AGBL1: variants seen among roughly 807,000 people sequenced by gnomAD.
AGBL1 encodes the protein AGBL carboxypeptidase 1, also known as cytosolic carboxypeptidase 4.
AGBL1 carries 130 observed loss-of-function variants against 118.9 expected under a neutral mutation model. That is an observed-to-expected ratio of 1.09 (90% CI 0.95 to 1.26). The LOEUF (loss-of-function observed/expected upper bound fraction) is 1.26, where lower values mean the gene tolerates loss of function less well. Among genes scored for constraint, AGBL1 ranks in the 50% most tolerant of loss-of-function variants. The probability of loss-of-function intolerance (pLI) is 0.00; values close to 1 mark genes in which losing one functional copy is unlikely to be tolerated. For missense variants in AGBL1, 1,584 were observed against 1,298.1 expected (o/e 1.22, Z -3.38); for synonymous variants, 555 against 478.9 (o/e 1.16, Z -2.08).
rs185344237 is a variant in AGBL1 at position 86,689,895 on chromosome 15, A to G, written c.3158+15459A>G. ...CAAGAGCATGCCACCTTGGAAGAGT[A>G]CACGGTTCTCTATATGGGAATTGTA... On this transcript the variant is annotated intron_variant, in intron 22 of 22. Transcript: ENST00000614907. 1.5e-4 allele frequency among the ~76,000 whole-genome samples: 23 copies of G among 152,296 alleles called. No individual in the cohort carries two copies. In the East Asian group the frequency reaches 4.3e-3, roughly 28 times the overall value.
intron 18 of AGBL1, among the ~76,000 whole-genome samples, chr15:86,487,974 C>G (rs2082733217): frequency 6.6e-6 from 1 of 151,986 alleles, no homozygotes; most frequent in South Asian, 2.1e-4. Context: ...GCTTTCTTCT[C>G]AATGAGTGGG....
At chr15:86,165,574 A>G (rs1023059832) in intron 5 of AGBL1, among the ~76,000 whole-genome samples, 1 of 152,154 alleles carries the variant, frequency 6.6e-6, no homozygotes, top group Non-Finnish European at 1.5e-5. Flanking sequence ...AAGTTAGAAG[A>G]AATGGATTTT....
At chr15:86,852,956 C>T (rs1396658868) in intron 22 of AGBL1, among the ~76,000 whole-genome samples, 1 of 152,194 alleles carries the variant, frequency 6.6e-6, no homozygotes, top group Non-Finnish European at 1.5e-5. Flanking sequence ...GTTTTTAAAG[C>T]TTCCCAGGTG....
At chr15:86,583,735 T>A (rs1199358104) in intron 21 of AGBL1, among the ~76,000 whole-genome samples, 1 of 152,176 alleles carries the variant, frequency 6.6e-6, no homozygotes, top group Non-Finnish European at 1.5e-5. Flanking sequence ...CACACAGTAG[T>A]TCTGTTCTAA....
chr15:86,256,816 A>C, intron 7 of AGBL1, 37 bp from the exon 8 acceptor site: 2 of 1,609,674 alleles, frequency 1.2e-6, no homozygotes, highest in South Asian at 2.2e-5. Flanking sequence ...GACTGTGCCC[A>C]GATGTTGGCA....
downstream of AGBL1, among the ~76,000 whole-genome samples, chr15:86,918,023 T>A (rs1434308600): frequency 1.3e-5 from 2 of 152,202 alleles, no homozygotes; most frequent in East Asian, 3.9e-4. Flanking sequence ...GTTCAGTTGT[T>A]CATTTTGGAT....
At chr15:86,368,610 A>C (rs893497381) in intron 17 of AGBL1, among the ~76,000 whole-genome samples, 1 of 152,210 alleles carries the variant, frequency 6.6e-6, no homozygotes, top group Non-Finnish European at 1.5e-5. Context: ...CAGTTAAAGA[A>C]GGAATTAATG....
chr15:86,523,346 A>G (rs1207135471), intron 19 of AGBL1, among the ~76,000 whole-genome samples: 1 of 152,144 alleles, frequency 6.6e-6, no homozygotes, highest in Non-Finnish European at 1.5e-5. Context: ...CTCTGTGTCC[A>G]AGTTGCCCTC....
rs557925724 is a variant in AGBL1, at chr15:86,677,143, T to C, written c.3158+2707T>C. ...GTGTGGCTGCACACTGTGGACATCA[T>C]GTTTTCTGACAATAGGTTTCATGCT... On this transcript the variant is annotated intron_variant, in intron 22 of 22. Transcript: ENST00000614907. 4.6e-5 allele frequency among the ~76,000 whole-genome samples: 7 copies of C among 152,300 alleles called. No homozygotes were observed. The East Asian group carries it at 1.2e-3, about 25-fold the overall frequency.
At chr15:86,934,449 C>A (rs1017260034) in intron 23 of AGBL1, among the ~76,000 whole-genome samples, 1 of 151,868 alleles carries the variant, frequency 6.6e-6, no homozygotes, top group Non-Finnish European at 1.5e-5. Flanking sequence ...CAGAGAGAGG[C>A]AGAATAAACA....
In AGBL1 at chr15:86,814,318, C is replaced by T. The variant is rs141648839; in HGVS notation, c.3159-92769C>T. Among the ~76,000 whole-genome samples the T allele has an allele frequency of 6.4e-4, 98 of 152,278 alleles. 2 individuals are homozygous for T. The East Asian group carries it at 0.014, about 22-fold the overall frequency. On this transcript the variant is annotated intron_variant, in intron 22 of 22. Coordinates refer to ENST00000614907, the MANE Select transcript of AGBL1 (RefSeq NM_001386094.1). ...AGGTGGAACAATTTCATCCCAAAGC[C>T]ATTCCCTCCACTCTACCATCTGTGG...
At chr15:86,861,676 G>GA (rs2079560175) in intron 22 of AGBL1, among the ~76,000 whole-genome samples, 1 of 152,138 alleles carries the variant, frequency 6.6e-6, no homozygotes, top group African/African-American at 2.4e-5. Context: ...ATATGTGCTG[G>GA]CATATAGTGA....
chr15:86,137,871 T>C (rs1000009066), intron 1 of AGBL1, among the ~76,000 whole-genome samples: 1 of 152,218 alleles, frequency 6.6e-6, no homozygotes, highest in Non-Finnish European at 1.5e-5. Flanking sequence ...GCATATGATG[T>C]TGGCCACAGG....
intron 21 of AGBL1, among the ~76,000 whole-genome samples, chr15:86,587,449 TG>T (rs1026550831): frequency 6.6e-6 from 1 of 152,012 alleles, no homozygotes; most frequent in African/African-American, 2.4e-5. Flanking sequence ...TTTGGTTGCT[TG>T]GGGGTTGTTA....
chr15:86,767,345 A>G (rs986713652), intron 22 of AGBL1, among the ~76,000 whole-genome samples: 3 of 151,890 alleles, frequency 2.0e-5, no homozygotes, highest in Non-Finnish European at 4.4e-5. Flanking sequence ...AAATTATTCT[A>G]AAATAAGTAA....
chr15:86,790,844 T>C (rs1308927041), intron 22 of AGBL1, among the ~76,000 whole-genome samples: 2 of 152,120 alleles, frequency 1.3e-5, no homozygotes, highest in Non-Finnish European at 2.9e-5. Flanking sequence ...ACACACCGTA[T>C]GGCTTCTGTA....
chr15:86,267,754 T>G (rs1023313169), intron 13 of AGBL1, among the ~76,000 whole-genome samples: 7 of 152,350 alleles, frequency 4.6e-5, no homozygotes, highest in African/African-American at 1.7e-4. Flanking sequence ...TATGTTAAAA[T>G]TCTTTCTATT....
intron 17 of AGBL1, among the ~76,000 whole-genome samples, chr15:86,345,587 G>A (rs2080524437): frequency 1.3e-5 from 2 of 152,214 alleles, no homozygotes; most frequent in African/African-American, 4.8e-5. Flanking sequence ...GAGACTTGAA[G>A]GATGACCAGG....
At chr15:86,712,592 C>T (rs1250871959) in intron 22 of AGBL1, among the ~76,000 whole-genome samples, 2 of 152,096 alleles carry the variant, frequency 1.3e-5, no homozygotes, top group Non-Finnish European at 2.9e-5. Flanking sequence ...TCCGCCTGTA[C>T]TCTGAGAATG....
Sources: gnomAD v4.1 joint callset for allele counts (sites outside exome capture counted in the v4.1 genomes callset) on GRCh38, gnomAD v4.1.1 for gene constraint, MANE v1.5 for transcripts, NCBI Gene and HGNC (gene_info 2026-07-23, HGNC 2026-07-21) for gene names.